The following HS3ST2 variants were observed in gnomAD, a reference collection of about 807,000 sequenced individuals.
The protein encoded by HS3ST2 is heparan sulfate glucosamine 3-O-sulfotransferase 2.
Under a neutral mutation model 26.3 loss-of-function variants are expected in HS3ST2, and 17 were observed. The observed-to-expected ratio is 0.65, with a 90% CI of 0.44 to 0.97. HS3ST2 has a LOEUF of 0.97. Among genes scored for constraint, HS3ST2 ranks in the 50% least tolerant of loss-of-function variants. HS3ST2 has a pLI of 0.00. For synonymous variants in HS3ST2, 237 were observed against 219.2 expected (o/e 1.08, Z -0.72); for missense variants, 402 against 501.2 (o/e 0.80, Z 1.89).
At position 22,814,757 on chromosome 16, in the gene HS3ST2, C is replaced by G; in HGVS notation, c.147C>G (p.Leu49=). 2 of 1,606,028 alleles carry G rather than the reference C, an allele frequency of 1.2e-6. No individual in the cohort carries two copies. The highest frequency in any genetic ancestry group is 1.3e-5 in the African/African-American group (1 of 74,898). Residue 49 remains leucine (L), a synonymous_variant, in exon 1 of 2, where the codon CTC becomes CTG. Transcript: ENST00000261374. ...GCGACGACCTGGGTCGGAGCCGCCT[C>G]CTCGGCGCGCCTCGCTGCCTCCGCG... is the stretch of plus-strand genomic sequence containing the variant. ...CCCDDLGRSR[L]LGAPRCLRGP...
chr16:22,844,962 C>G (rs1036433755), intron 1 of HS3ST2, among the ~76,000 whole-genome samples: 2 of 151,760 alleles, frequency 1.3e-5, no homozygotes. Flanking sequence ...TCACGCCATT[C>G]TCTTGCCTCA....
intron 1 of HS3ST2, among the ~76,000 whole-genome samples, chr16:22,882,881 G>A (rs1902008760): frequency 6.6e-6 from 1 of 150,566 alleles, no homozygotes; most frequent in South Asian, 2.1e-4. Context: ...AAACACAAAA[G>A]TTAGCCAGGC....
chr16:22,910,106 T>C (rs1902407686), intron 1 of HS3ST2, among the ~76,000 whole-genome samples: 1 of 151,496 alleles, frequency 6.6e-6, no homozygotes, highest in Admixed American at 6.6e-5. Context: ...TTCACTTTAG[T>C]GCACAGATGG....
intron 1 of HS3ST2, among the ~76,000 whole-genome samples, chr16:22,845,081 C>T (rs527289922): frequency 6.8e-6 from 1 of 147,896 alleles, no homozygotes; most frequent in Non-Finnish European, 1.5e-5. Flanking sequence ...GTCTGGATCT[C>T]CTGACCTTGT....
chr16:22,873,678 G>T (rs115821330), intron 1 of HS3ST2, among the ~76,000 whole-genome samples: 1 of 152,100 alleles, frequency 6.6e-6, no homozygotes, highest in African/African-American at 2.4e-5. Flanking sequence ...GCTTTTGTTG[G>T]GTAACAAACC....
intron 1 of HS3ST2, among the ~76,000 whole-genome samples, chr16:22,831,716 G>T (rs1406308317): frequency 5.9e-5 from 9 of 152,064 alleles, no homozygotes; most frequent in Non-Finnish European, 1.3e-4. Context: ...GTTATGCACT[G>T]TATGTTTCCT....
intron 1 of HS3ST2, among the ~76,000 whole-genome samples, chr16:22,894,776 G>A (rs531919118): frequency 1.7e-4 from 25 of 150,620 alleles, no homozygotes; most frequent in South Asian, 6.3e-4. Flanking sequence ...GTCGTGCGCC[G>A]TGATCGTGCC....
At chr16:22,910,988 T>A (rs1168983302) in intron 1 of HS3ST2, among the ~76,000 whole-genome samples, 1 of 152,126 alleles carries the variant, frequency 6.6e-6, no homozygotes, top group Non-Finnish European at 1.5e-5. Flanking sequence ...ACTAGCTGCA[T>A]GTTAAGGGTG....
At chr16:22,914,473 A>C (rs1304951996) in intron 1 of HS3ST2, among the ~76,000 whole-genome samples, 1 of 152,076 alleles carries the variant, frequency 6.6e-6, no homozygotes, top group East Asian at 1.9e-4. Flanking sequence ...TGGGAGGTTG[A>C]GGTGGGAGGA....
intron 1 of HS3ST2, among the ~76,000 whole-genome samples, chr16:22,877,369 G>A (rs558489533): frequency 2.0e-5 from 3 of 152,308 alleles, no homozygotes; most frequent in East Asian, 1.9e-4. Flanking sequence ...TGACCGTGGC[G>A]TGCTCAGCGA....
At chr16:22,815,902 A>G (rs1219914576) in intron 1 of HS3ST2, among the ~76,000 whole-genome samples, 1 of 152,270 alleles carries the variant, frequency 6.6e-6, no homozygotes, top group Non-Finnish European at 1.5e-5. Context: ...CTTCTAAACC[A>G]GCAGCCAAAA....
chr16:22,889,522 G>A (rs948448899), intron 1 of HS3ST2, among the ~76,000 whole-genome samples: 10 of 152,040 alleles, frequency 6.6e-5, no homozygotes, highest in Admixed American at 2.0e-4. Flanking sequence ...AGAGCATTTC[G>A]GATTTTGGAT....
chr16:22,835,193 T>C (rs1901237564), intron 1 of HS3ST2, among the ~76,000 whole-genome samples: 1 of 152,144 alleles, frequency 6.6e-6, no homozygotes, highest in South Asian at 2.1e-4. Context: ...TTTTTTTGTT[T>C]ATTTTTTCTT....
chr16:22,878,389 C>T (rs1290220985), intron 1 of HS3ST2, among the ~76,000 whole-genome samples: 1 of 152,210 alleles, frequency 6.6e-6, no homozygotes, highest in African/African-American at 2.4e-5. Context: ...GGCTCAGAGC[C>T]TGAGACCTGC....
chr16:22,903,971 T>A (rs1902315421), intron 1 of HS3ST2, among the ~76,000 whole-genome samples: 1 of 152,142 alleles, frequency 6.6e-6, no homozygotes, highest in Non-Finnish European at 1.5e-5. Context: ...AACTTCCCTC[T>A]TATAGCGCAG....
At chr16:22,906,093 C>T (rs1406173740) in intron 1 of HS3ST2, among the ~76,000 whole-genome samples, 2 of 152,142 alleles carry the variant, frequency 1.3e-5, no homozygotes, top group East Asian at 3.9e-4. Flanking sequence ...CAGGTACCAG[C>T]CGGGCACGGT....
chr16:22,824,757 A>G (rs1284651815), intron 1 of HS3ST2, among the ~76,000 whole-genome samples: 1 of 152,194 alleles, frequency 6.6e-6, no homozygotes, highest in Non-Finnish European at 1.5e-5. Flanking sequence ...AACAGAGGCA[A>G]TGCAGAGGGT....
At chr16:22,839,197 T>TA (rs1901316986) in intron 1 of HS3ST2, among the ~76,000 whole-genome samples, 1 of 152,200 alleles carries the variant, frequency 6.6e-6, no homozygotes, top group Non-Finnish European at 1.5e-5. Flanking sequence ...GATTGATAAA[T>TA]ATTTGTCGAA....
intron 1 of HS3ST2, among the ~76,000 whole-genome samples, chr16:22,902,383 G>A (rs1000777323): frequency 6.6e-6 from 1 of 152,142 alleles, no homozygotes; most frequent in African/African-American, 2.4e-5. Flanking sequence ...TTAGACAATA[G>A]TCCAGGGGTG....
Sources: allele counts gnomAD v4.1 joint callset (sites outside exome capture counted in the v4.1 genomes callset), GRCh38; gene constraint gnomAD v4.1.1; transcripts MANE v1.5; gene names NCBI Gene and HGNC (gene_info 2026-07-23, HGNC 2026-07-21).